TPR: variants seen among roughly 807,000 people sequenced by gnomAD.
TPR encodes the protein nucleoprotein TPR.
In TPR, 51 loss-of-function variants were observed where a neutral mutation model predicts 316.1. The ratio of observed to expected loss-of-function variants is 0.16; its 90% CI spans 0.13 to 0.20. The LOEUF is 0.20. Among genes scored for constraint, TPR ranks in the 10% least tolerant of loss-of-function variants. The pLI is 1.00. For missense variants in TPR, 2,272 were observed against 2,754.8 expected, an observed-to-expected ratio of 0.82 and a Z score of 3.92; for synonymous variants, 981 against 914.7, an observed-to-expected ratio of 1.07 and a Z score of -1.31.
intron 11 of TPR, 122 bp downstream of exon 11, chr1:186,360,151 T>G (rs1287796599): frequency 1.5e-6 from 2 of 1,335,034 alleles, no homozygotes; most frequent in Non-Finnish European, 2.1e-6. Context: ...AAGCCTTTCC[T>G]AGAATGATCC....
chr1:186,312,520 G>C lies in TPR; in HGVS notation c.*1451C>G. 1.2e-6 allele frequency: 1 copy of C among 869,010 alleles called. No individual in the cohort carries two copies. The highest frequency in any genetic ancestry group is 1.7e-6 in the Non-Finnish European group (1 of 574,876). The allele number at this position is 869,010 out of a possible 1,614,324, so 53.8% of individuals were successfully genotyped here. On this transcript the variant is annotated 3_prime_UTR_variant, in exon 51 of 51. Coordinates refer to ENST00000367478, the MANE Select transcript of TPR (RefSeq NM_003292.3). ...ATGAAAAACTCATCCACTTGCCTTA[G>C]TGAATAACCAAAGACCAATACTTTC...
At position 186,312,311 on chromosome 1, in the gene TPR, T is replaced by C; in HGVS notation, c.*1660A>G. 1 of 1,612,566 alleles carries C rather than the reference T, an allele frequency of 6.2e-7. No homozygotes were observed. The highest frequency in any genetic ancestry group is 1.1e-5 in the South Asian group (1 of 90,684). On this transcript the variant is annotated 3_prime_UTR_variant, in exon 51 of 51. Coordinates refer to ENST00000367478, the MANE Select transcript of TPR (RefSeq NM_003292.3). ...GTCGCTTTGAACGTGCTATAGGACC[T>C]TCTCAAACACACACCATCAGAATTC...
chr1:186,339,578 C>A, intron 30 of TPR, 64 bp downstream of exon 30: 1 of 1,330,058 alleles, frequency 7.5e-7, no homozygotes, highest in South Asian at 2.0e-5. Context: ...CTTGGGGAGT[C>A]ATGTAAATAA....
intron 21 of TPR, among the ~76,000 whole-genome samples, chr1:186,347,782 G>C (rs1037944987): frequency 6.6e-6 from 1 of 152,168 alleles, no homozygotes; most frequent in South Asian, 2.1e-4. Flanking sequence ...AATGTTACGG[G>C]AAGTCAGGGA....
At chr1:186,367,437 TAC>T (rs1558039121) in intron 4 of TPR, among the ~76,000 whole-genome samples, 1 of 152,230 alleles carries the variant, frequency 6.6e-6, no homozygotes, top group Admixed American at 6.5e-5. Flanking sequence ...TATTATATAC[TAC>T]AGTCTATGTT....
intron 4 of TPR, among the ~76,000 whole-genome samples, chr1:186,366,409 T>C (rs959847304): frequency 7.2e-5 from 11 of 152,336 alleles, no homozygotes; most frequent in Non-Finnish European, 1.0e-4. Flanking sequence ...ATAATACAGA[T>C]CACAGACAAA....
At chr1:186,365,615 A>C (rs1311354120) in intron 4 of TPR, among the ~76,000 whole-genome samples, 1 of 152,232 alleles carries the variant, frequency 6.6e-6, no homozygotes, top group African/African-American at 2.4e-5. Context: ...CCAACAGAGA[A>C]AATATCATGA....
intron 49 of TPR, 142 bp downstream of exon 49, chr1:186,317,340 T>A (rs1657639865): frequency 1.5e-6 from 1 of 682,662 alleles, no homozygotes; most frequent in Non-Finnish European, 2.5e-6. Context: ...CCAAGTTCCT[T>A]TTAATAATAA....
At chr1:186,358,445 A>G (rs1659089841) in intron 13 of TPR, 98 bp downstream of exon 13, 6 of 847,806 alleles carry the variant, frequency 7.1e-6, no homozygotes, top group Non-Finnish European at 1.1e-5. Flanking sequence ...TTAGAATTTC[A>G]TACATGGTAG....
rs1342350163 is a variant in TPR, at chr1:186,312,850, A to G, written c.*1121T>C. 3.1e-6 allele frequency: 5 copies of G among 1,612,458 alleles called. No homozygotes were observed. The South Asian group carries it at 3.3e-5, about 11-fold the overall frequency. ...GTTACCTCAGCTATATCACTGCCCA[A>G]CATCAGAAAACCTGACGGCTATGAT... On this transcript the variant is annotated 3_prime_UTR_variant, in exon 51 of 51. Transcript: ENST00000367478.
rs746136041 is a variant in TPR, at chr1:186,358,661, T to C, written c.1390-11A>G. The C allele has an allele frequency of 5.6e-6, 9 of 1,607,432 alleles. No individual in the cohort carries two copies. Among genetic ancestry groups the C allele is most frequent in the African/African-American group, 1.3e-5 (1 of 74,612 alleles). ...CAATCGCTGAATCTCCTTTAAAATG[T>C]AAATTCAAGTGAAAATTTTGTACTT... On this transcript the variant is annotated splice_polypyrimidine_tract_variant and intron_variant, in intron 12 of 50. Transcript: ENST00000367478.
chr1:186,366,437 G>A (rs1414859975), intron 4 of TPR, among the ~76,000 whole-genome samples: 1 of 152,162 alleles, frequency 6.6e-6, no homozygotes, highest in African/African-American at 2.4e-5. Flanking sequence ...ACAATCTACT[G>A]TGTATGTTAT....
chr1:186,371,139 G>GA, intron 2 of TPR, 96 bp from the exon 3 acceptor site: 2 of 911,146 alleles, frequency 2.2e-6, no homozygotes, highest in Non-Finnish European at 1.7e-6. Context: ...TTTAATAAAT[G>GA]AAAAAACAGA....
rs572966252 is a variant in TPR at position 186,360,362 on chromosome 1, C to T, written c.1102G>A (p.Ala368Thr). ...DLLSATKRKG[A>T]ILSEEELAAM... ...GCAAGCTCTTCTTCAGACAATATGG[C>T]TCCTGTGCCAACAAATACACATCTA... Residue 368 changes from alanine (A) to threonine (T), a missense_variant and splice_region_variant, in exon 11 of 51, where the codon GCC becomes ACC. Transcript: ENST00000367478. 8 of 1,612,622 alleles carry T rather than the reference C, an allele frequency of 5.0e-6. No individual in the cohort carries two copies. The Admixed American group carries it at 5.0e-5, about 10-fold the overall frequency.
rs1043706466 is a variant in TPR, at chr1:186,333,154, C to T, written c.5423G>A (p.Arg1808Gln). 6.8e-6 allele frequency: 11 copies of T among 1,613,338 alleles called. No individual in the cohort carries two copies. The highest frequency in any genetic ancestry group is 2.7e-5 in the African/African-American group (2 of 74,968). Reference protein sequence around the residue: ...VEVVQSSPVERPSTSTAVFGT... With the variant: ...VEVVQSSPVEQPSTSTAVFGT... Reference sequence around the variant, plus strand: ...AAATACTGCTGTGGAAGTAGAAGGCCGCTCAACTGGTGAACTCTGAACAAC... The same window carrying T: ...AAATACTGCTGTGGAAGTAGAAGGCTGCTCAACTGGTGAACTCTGAACAAC... The change falls in exon 37 of 51, where the codon CGG becomes CAG. Residue 1808 changes from arginine to glutamine, a missense_variant. Around this residue, in one of 10 missense-constraint regions of TPR, gnomAD observed 435 missense variants for 461.1 expected, o/e 0.94. Coordinates refer to ENST00000367478, the MANE Select transcript of TPR (RefSeq NM_003292.3).
chr1:186,325,469 C>T (rs755969863), intron 42 of TPR: 11 of 221,460 alleles, frequency 5.0e-5, no homozygotes, highest in Non-Finnish European at 7.9e-5. Flanking sequence ...TACAAGTAGT[C>T]CCTAATTTAA....
Position 186,358,561 on chromosome 1 carries a change from T to C in TPR, c.1479A>G (p.Val493=), listed in dbSNP as rs1195431377. ...TTCTAACCTGTTGTGAAAGATCTTT[T>C]ACTTGTATTTCCATTCTTCGATTAT... ...ERDNRRMEIQ[V]KDLSQQIRVL... Residue 493 remains valine (V), a synonymous_variant, in exon 13 of 51, where the codon GTA becomes GTG. Transcript: ENST00000367478. 2 of 1,610,260 alleles carry C rather than the reference T, an allele frequency of 1.2e-6. No homozygotes were observed. Among genetic ancestry groups the C allele is most frequent in the East Asian group, 4.5e-5 (2 of 44,706 alleles).
chr1:186,343,801 C>A, intron 26 of TPR, 105 bp downstream of exon 26: 1 of 1,060,932 alleles, frequency 9.4e-7, no homozygotes, highest in African/African-American at 1.6e-5. Context: ...AAAGAATGAA[C>A]TTTATATCAA....
intron 39 of TPR, among the ~76,000 whole-genome samples, chr1:186,330,666 C>T (rs1658132814): frequency 6.6e-6 from 1 of 152,038 alleles, no homozygotes; most frequent in South Asian, 2.1e-4. Context: ...CACACCTGTC[C>T]CTGCCCTGTG....
Sources: gnomAD v4.1 joint callset for allele counts (sites outside exome capture counted in the v4.1 genomes callset) on GRCh38, gnomAD v4.1.1 for gene constraint, gnomAD v4.1.1 regional missense constraint, MANE v1.5 for transcripts, NCBI Gene and HGNC (gene_info 2026-07-23, HGNC 2026-07-21) for gene names.